The following ABHD12 variants were observed in gnomAD, a reference collection of about 807,000 sequenced individuals.
ABHD12 encodes lysophosphatidylserine lipase ABHD12.
In ABHD12, 43 loss-of-function variants were observed where a neutral mutation model predicts 58.3. That is an observed-to-expected ratio of 0.74 (90% CI 0.58 to 0.95). The LOEUF is 0.95. Among genes scored for constraint, ABHD12 ranks in the 40% least tolerant of loss-of-function variants. The pLI, the probability that ABHD12 is intolerant of heterozygous loss-of-function variation, is 0.00. For missense variants in ABHD12, 539 were observed against 537.2 expected (o/e 1.00, Z -0.03); for synonymous variants, 219 against 211.2 (o/e 1.04, Z -0.32).
intron 3 of ABHD12, among the ~76,000 whole-genome samples, chr20:25,322,381 A>ATATATATTTTTTTTTTTTT: frequency 1.7e-5 from 1 of 59,284 alleles, no homozygotes; most frequent in Non-Finnish European, 3.2e-5. Flanking sequence ...ATATATATAT[A>ATATATATTTTTTTTTTTTT]TTTTTTTTTT....
At chr20:25,337,074 C>T (rs1460457516) in intron 2 of ABHD12, among the ~76,000 whole-genome samples, 1 of 152,150 alleles carries the variant, frequency 6.6e-6, no homozygotes, top group Non-Finnish European at 1.5e-5. Flanking sequence ...CCAGCCTGGG[C>T]AACATGGCAA....
intron 1 of ABHD12, among the ~76,000 whole-genome samples, chr20:25,368,974 C>T (rs950898243): frequency 6.6e-6 from 1 of 152,022 alleles, no homozygotes; most frequent in Non-Finnish European, 1.5e-5. Flanking sequence ...AATTAAAAAC[C>T]TAGCCAGGTG....
In ABHD12 at chr20:25,303,607, G is replaced by A. The variant is rs1286263747; in HGVS notation, c.972C>T (p.Pro324=). The A allele has an allele frequency of 6.2e-7, 1 of 1,613,728 alleles. No individual in the cohort carries two copies. Among genetic ancestry groups the A allele is most frequent in the Non-Finnish European group, 8.5e-7 (1 of 1,180,018 alleles). The change falls in exon 11 of 13, where the codon CCC becomes CCT. Residue 324 remains proline, a synonymous_variant. Coordinates refer to ENST00000339157, the MANE Select transcript of ABHD12 (RefSeq NM_001042472.3). ...CGTCCTCAGCGTGCAGGATGAGCAGGGGACAGGAGATGTGCTTCACGCTGT... is the reference window on the plus strand; with the variant it reads ...CGTCCTCAGCGTGCAGGATGAGCAGAGGACAGGAGATGTGCTTCACGCTGT... ...NDENVKHISC[P]LLILHAEDDP... is the part of the protein sequence containing the mutation.
At chr20:25,364,992 A>G (rs934757484) in intron 1 of ABHD12, among the ~76,000 whole-genome samples, 5 of 152,200 alleles carry the variant, frequency 3.3e-5, no homozygotes, top group Admixed American at 1.3e-4. Context: ...GCTGGGGGCT[A>G]CATTTCCCAG....
In ABHD12 at chr20:25,390,705, C is replaced by A; in HGVS notation, c.-2G>T. On this transcript the variant is annotated 5_prime_UTR_variant, in exon 1 of 13. Coordinates refer to ENST00000339157, the MANE Select transcript of ABHD12 (RefSeq NM_001042472.3). ...GACGGGCTCGGTCCGCTTCCTCATC[C>A]CGCGGCCGACAGGGCCAGCCGCCGA... is the stretch of plus-strand genomic sequence containing the variant. 7.2e-7 allele frequency: 1 copy of A among 1,379,858 alleles called. No homozygotes were observed. The highest frequency in any genetic ancestry group is 1.6e-5 in the South Asian group (1 of 64,506). The allele number at this position is 1,379,858 out of a possible 1,614,324, so 85.5% of individuals were successfully genotyped here.
intron 1 of ABHD12, among the ~76,000 whole-genome samples, chr20:25,365,465 T>C (rs1019263803): frequency 2.0e-5 from 3 of 152,236 alleles, no homozygotes; most frequent in Non-Finnish European, 4.4e-5. Context: ...TGGGTTGGCA[T>C]AACATAGGTT....
intron 1 of ABHD12, among the ~76,000 whole-genome samples, chr20:25,349,555 T>C (rs949630319): frequency 6.6e-6 from 1 of 152,236 alleles, no homozygotes; most frequent in African/African-American, 2.4e-5. Context: ...CAATGGAGTA[T>C]TATGTAGCCA....
chr20:25,352,354 T>C (rs2089612289), intron 1 of ABHD12, among the ~76,000 whole-genome samples: 1 of 151,962 alleles, frequency 6.6e-6, no homozygotes, highest in African/African-American at 2.4e-5. Flanking sequence ...AGTGGCAGGA[T>C]CCCAGCTCAC....
intron 1 of ABHD12, among the ~76,000 whole-genome samples, chr20:25,361,303 T>C (rs2089743774): frequency 6.6e-6 from 1 of 152,274 alleles, no homozygotes; most frequent in Non-Finnish European, 1.5e-5. Flanking sequence ...TTCAATATTG[T>C]ATGTTCTCAT....
chr20:25,299,017 G>A (rs2088593395), downstream of ABHD12, among the ~76,000 whole-genome samples: 1 of 152,228 alleles, frequency 6.6e-6, no homozygotes, highest in South Asian at 2.1e-4. Flanking sequence ...AGGGCACTTG[G>A]ATGTAATGAG....
chr20:25,334,205 T>C (rs371167648), intron 2 of ABHD12, among the ~76,000 whole-genome samples: 7,853 of 151,024 alleles, frequency 0.052, 285 homozygotes, highest in Middle Eastern at 0.12. Context: ...CCATTCACAA[T>C]TGCTTCAAAG....
chr20:25,358,091 C>T (rs1464009595), intron 1 of ABHD12, among the ~76,000 whole-genome samples: 1 of 152,128 alleles, frequency 6.6e-6, no homozygotes, highest in East Asian at 1.9e-4. Flanking sequence ...GGTAGGAAGG[C>T]AAACTTTCCT....
intron 1 of ABHD12, among the ~76,000 whole-genome samples, chr20:25,373,685 T>C (rs990682127): frequency 2.0e-5 from 3 of 152,188 alleles, no homozygotes; most frequent in Admixed American, 6.5e-5. Flanking sequence ...TGAAGGTTTT[T>C]TTTTTCTTTA....
In ABHD12 at chr20:25,322,411, G is replaced by C. The variant is rs1174099739; in HGVS notation, c.422+914C>G. Among the ~76,000 whole-genome samples, 4 of 73,054 alleles carry C rather than the reference G, an allele frequency of 5.5e-5. No individual in the cohort carries two copies. In the South Asian group the frequency reaches 1.7e-3, roughly 32 times the overall value. The allele number at this position is 73,054 out of a possible 152,430, so 47.9% of individuals were successfully genotyped here. A position where few individuals can be genotyped will look rare whatever the true frequency, so the allele number is the denominator to read the frequency against. Reference sequence around the variant, plus strand: ...TTTTTTTTTTTGAGACAAGAGTCTCGCTCTGTTGCCCAGGCTGGAGTGCAG... The same window carrying C: ...TTTTTTTTTTTGAGACAAGAGTCTCCCTCTGTTGCCCAGGCTGGAGTGCAG... On this transcript the variant is annotated intron_variant, in intron 3 of 12. Coordinates refer to ENST00000339157, the MANE Select transcript of ABHD12 (RefSeq NM_001042472.3).
At chr20:25,355,517 T>C (rs887450298) in intron 1 of ABHD12, among the ~76,000 whole-genome samples, 1 of 152,214 alleles carries the variant, frequency 6.6e-6, no homozygotes, top group African/African-American at 2.4e-5. Context: ...TTTTGTACTT[T>C]GATTTCCCAT....
chr20:25,314,791 C>G, intron 6 of ABHD12, 134 bp downstream of exon 6: 1 of 1,013,912 alleles, frequency 9.9e-7, no homozygotes, highest in Non-Finnish European at 1.6e-6. Flanking sequence ...TTTGTCAGGA[C>G]CCAGGACACC....
chr20:25,351,614 T>C (rs774530958), intron 1 of ABHD12, among the ~76,000 whole-genome samples: 38 of 152,238 alleles, frequency 2.5e-4, no homozygotes, highest in Non-Finnish European at 4.6e-4. Flanking sequence ...ACTAGGACTT[T>C]TATTATCATT....
intron 1 of ABHD12, among the ~76,000 whole-genome samples, chr20:25,353,808 C>A (rs1173453385): frequency 6.6e-6 from 1 of 152,238 alleles, no homozygotes; most frequent in African/African-American, 2.4e-5. Context: ...CTGCTCACTT[C>A]GCCTTCCTGG....
intron 2 of ABHD12, among the ~76,000 whole-genome samples, chr20:25,329,431 GTCC>G (rs2089231061): frequency 6.7e-6 from 1 of 149,084 alleles, no homozygotes; most frequent in African/African-American, 2.6e-5. Flanking sequence ...AGTTTTCACT[GTCC>G]ACCCCCCAGT....
Sources: gnomAD v4.1 joint callset for allele counts (sites outside exome capture counted in the v4.1 genomes callset) on GRCh38, gnomAD v4.1.1 for gene constraint, MANE v1.5 for transcripts, NCBI Gene and HGNC (gene_info 2026-07-23, HGNC 2026-07-21) for gene names.